Variants in RECQL observed in about 807,000 individuals in gnomAD.
The protein encoded by RECQL is RecQ like helicase.
A neutral mutation model predicts 75.8 loss-of-function variants in RECQL; 73 were observed. The ratio of observed to expected loss-of-function variants is 0.96; its 90% CI spans 0.80 to 1.17. The LOEUF (loss-of-function observed/expected upper bound fraction) is 1.17. Ranked by LOEUF, RECQL falls within the 50% of genes most tolerant of loss-of-function variation. The pLI, the probability that RECQL is intolerant of heterozygous loss-of-function variation, is 0.00. For missense variants in RECQL, 699 were observed against 772.1 expected, an observed-to-expected ratio of 0.91 and a Z score of 1.12; for synonymous variants, 248 against 254.4, an observed-to-expected ratio of 0.97 and a Z score of 0.24.
chr12:21,486,046 G>T (rs566560031), intron 5 of RECQL, among the ~76,000 whole-genome samples: 1 of 152,076 alleles, frequency 6.6e-6, no homozygotes, highest in Non-Finnish European at 1.5e-5. Flanking sequence ...ATACAAAACA[G>T]GTCAGCAAAT....
intron 2 of RECQL, among the ~76,000 whole-genome samples, chr12:21,495,808 C>T (rs972449914): frequency 6.6e-5 from 10 of 152,104 alleles, no homozygotes; most frequent in African/African-American, 1.7e-4. Flanking sequence ...TTAAGAAAGT[C>T]AGTGTAAGGG....
At chr12:21,474,784 C>A in intron 11 of RECQL, 57 bp downstream of exon 11, 1 of 1,525,004 alleles carries the variant, frequency 6.6e-7, no homozygotes, top group South Asian at 1.1e-5. Flanking sequence ...AAAACGATGT[C>A]ATATACTTTC....
chr12:21,482,991 C>T (rs972728210), intron 6 of RECQL, among the ~76,000 whole-genome samples: 1 of 152,104 alleles, frequency 6.6e-6, no homozygotes. Context: ...GATGCAAATT[C>T]TTCAACAAAT....
At chr12:21,496,688 G>A (rs994365129) in intron 2 of RECQL, among the ~76,000 whole-genome samples, 6 of 152,122 alleles carry the variant, frequency 3.9e-5, no homozygotes, top group African/African-American at 1.2e-4. Flanking sequence ...AAAGGGTATG[G>A]GGCATGTTGA....
intron 4 of RECQL, among the ~76,000 whole-genome samples, chr12:21,488,037 A>G (rs912220896): frequency 1.3e-5 from 2 of 152,142 alleles, no homozygotes; most frequent in African/African-American, 2.4e-5. Context: ...CTTCATAGTC[A>G]TTCTTTTCCA....
chr12:21,497,616 C>T (rs895508412), intron 2 of RECQL, among the ~76,000 whole-genome samples: 6 of 152,224 alleles, frequency 3.9e-5, no homozygotes, highest in Non-Finnish European at 8.8e-5. Context: ...TATGTATAGA[C>T]CTCTCTGAAT....
In RECQL at chr12:21,483,549, TCAGCATGAACC is replaced by T; in HGVS notation, c.516_526del (p.Trp172Ter). On this transcript the variant is annotated stop_gained and frameshift_variant, in exon 6 of 15. Coordinates refer to ENST00000444129, the MANE Select transcript of RECQL (RefSeq NM_002907.4). LOFTEE classifies it high-confidence loss of function. ...TAACTCGGAGTTTTTATTTACCATT[TCAGCATGAACC>T]CATTTAACATGCTCCTATTAAAAGA... 1 of 1,579,764 alleles carries T rather than the reference TCAGCATGAACC, an allele frequency of 6.3e-7. No homozygotes were observed. Among genetic ancestry groups the T allele is most frequent in the Non-Finnish European group, 8.5e-7 (1 of 1,170,642 alleles).
At chr12:21,492,232 T>C in intron 2 of RECQL, among the ~76,000 whole-genome samples, 1 of 152,190 alleles carries the variant, frequency 6.6e-6, no homozygotes. Context: ...TTGGTAATTA[T>C]AAACAAGAGG....
intron 2 of RECQL, among the ~76,000 whole-genome samples, chr12:21,494,857 C>A (rs112894151): frequency 7.2e-5 from 11 of 152,296 alleles, no homozygotes; most frequent in African/African-American, 2.6e-4. Context: ...TATCATCTTC[C>A]AAGTAGACCA....
Position 21,474,847 on chromosome 12 carries a change from A to T in RECQL, c.1349T>A (p.Ile450Lys). Residue 450 changes from isoleucine to lysine, a missense_variant, in exon 11 of 15, where the codon ATA becomes AAA. Physicochemically the swap from Ile to Lys is moderately radical, Grantham distance 102. Around this residue, in one of 2 missense-constraint regions of RECQL, gnomAD observed 669 missense variants for 713.5 expected, o/e 0.94. Coordinates refer to ENST00000444129, the MANE Select transcript of RECQL (RefSeq NM_002907.4). ...AAAAAGGTATGTGGCTTACTTGCTT[A>T]TGTTTTGACAGTATGATACCATCTC... is the stretch of plus-strand genomic sequence containing the variant. The part of the protein sequence containing the change: ...LYEMVSYCQN[I>K]SKCRRVLMAQ... 1 of 1,612,402 alleles carries T rather than the reference A, an allele frequency of 6.2e-7. No homozygotes were observed. The highest frequency in any genetic ancestry group is 8.5e-7 in the Non-Finnish European group (1 of 1,178,826).
chr12:21,479,728 C>T (rs1328254716), intron 6 of RECQL, among the ~76,000 whole-genome samples: 1 of 151,838 alleles, frequency 6.6e-6, no homozygotes, highest in Non-Finnish European at 1.5e-5. Flanking sequence ...CTGGAATAGA[C>T]AAAACACTGA....
At chr12:21,477,246 T>C (rs1049630823) in intron 7 of RECQL, among the ~76,000 whole-genome samples, 14 of 152,156 alleles carry the variant, frequency 9.2e-5, no homozygotes, top group African/African-American at 3.4e-4. Flanking sequence ...ATGCAGACTT[T>C]TTTATTTTGC....
rs1565571187 is a variant in RECQL, at chr12:21,486,656, C to CCTTTTTTTT, written c.395-72_395-71insAAAAAAAAG. The CCTTTTTTTT allele has an allele frequency of 1.1e-4, 17 of 161,208 alleles. 6 individuals are homozygous for CCTTTTTTTT. Among genetic ancestry groups the CCTTTTTTTT allele is most frequent in the African/African-American group, 8.7e-4 (13 of 14,968 alleles). The allele number at this position is 161,208 out of a possible 1,614,324, so 10.0% of individuals were successfully genotyped here. The stretch of plus-strand genomic sequence containing the variant: ...CTCAGAATCAGATGCAAACCATTCA[C>CCTTTTTTTT]GTTTTTTTTTTTTTTTTTTTTTTTT... On this transcript the variant is annotated intron_variant, in intron 4 of 14. Transcript: ENST00000444129.
Position 21,470,045 on chromosome 12 carries a change from T to A in RECQL, c.*149A>T. ...TCTAATTTTCAAACATTCTCAAAAG[T>A]TTAGATCTTCAGAGATAAGCTCTGA... On this transcript the variant is annotated 3_prime_UTR_variant, in exon 15 of 15. Transcript: ENST00000444129. 1 of 744,830 alleles carries A rather than the reference T, an allele frequency of 1.3e-6. No individual in the cohort carries two copies. Among genetic ancestry groups the A allele is most frequent in the East Asian group, 3.3e-5 (1 of 30,756 alleles). The allele number at this position is 744,830 out of a possible 1,614,324, so 46.1% of individuals were successfully genotyped here. A position where few individuals can be genotyped will look rare whatever the true frequency, so the allele number is the denominator to read the frequency against.
chr12:21,475,573 T>C lies in RECQL; in HGVS notation c.1111A>G (p.Thr371Ala). The change falls in exon 10 of 15, where the codon ACT becomes GCT. Residue 371 changes from threonine (T) to alanine (A), a missense_variant. Coordinates refer to ENST00000444129, the MANE Select transcript of RECQL (RefSeq NM_002907.4). ...SANEIQVVVA[T>A]VAFGMGIDKP... ...TCAATTCCCATACCAAATGCAACAG[T>C]TGCCACTACTACCTGAAATATTTTA... 2.5e-6 allele frequency: 4 copies of C among 1,612,070 alleles called. No individual in the cohort carries two copies. Among genetic ancestry groups the C allele is most frequent in the South Asian group, 1.1e-5 (1 of 90,674 alleles).
intron 5 of RECQL, among the ~76,000 whole-genome samples, 194 bp from the exon 6 acceptor site, chr12:21,483,768 C>T (rs1943238600): frequency 6.6e-6 from 1 of 152,044 alleles, no homozygotes; most frequent in Non-Finnish European, 1.5e-5. Context: ...AAATAGCATT[C>T]TAGTTATTTA....
Position 21,475,792 on chromosome 12 carries a change from C to A in RECQL, c.982G>T (p.Glu328Ter), listed in dbSNP as rs1943075437. Reference sequence around the variant, plus strand: ...TTCTGCAAACTAACCGTAACTTGTTCAGAGTCTTTCTGAGAAAAACAATAT... The same window carrying A: ...TTCTGCAAACTAACCGTAACTTGTTAAGAGTCTTTCTGAGAAAAACAATAT... ...IIYCFSQKDS[E>*]QVTVSLQNLG... is the part of the protein sequence containing the mutation. Residue 328 changes from glutamate to a stop codon, truncating the protein, a stop_gained, in exon 9 of 15, where the codon GAA becomes TAA. Coordinates refer to ENST00000444129, the MANE Select transcript of RECQL (RefSeq NM_002907.4). LOFTEE classifies it high-confidence loss of function. The A allele has an allele frequency of 6.2e-7, 1 of 1,612,830 alleles. No homozygotes were observed. Among genetic ancestry groups the A allele is most frequent in the African/African-American group, 1.3e-5 (1 of 74,878 alleles).
At chr12:21,497,433 T>C (rs7132383) in intron 2 of RECQL, among the ~76,000 whole-genome samples, 4,507 of 152,294 alleles carry the variant, frequency 0.03, 209 homozygotes, top group African/African-American at 0.099. Context: ...CTGAAAAACA[T>C]TGGAGATGGA....
chr12:21,470,886 T>C, intron 14 of RECQL, 83 bp downstream of exon 14: 1 of 1,004,902 alleles, frequency 1.0e-6, no homozygotes, highest in South Asian at 3.5e-5. Flanking sequence ...CAACTGGACC[T>C]AGGGGAATAT....
Sources: gnomAD v4.1 joint callset for allele counts (sites outside exome capture counted in the v4.1 genomes callset) on GRCh38, gnomAD v4.1.1 for gene constraint, gnomAD v4.1.1 regional missense constraint, MANE v1.5 for transcripts, NCBI Gene and HGNC (gene_info 2026-07-23, HGNC 2026-07-21) for gene names.